Variants in STX12 observed in about 807,000 individuals in gnomAD.
STX12 encodes syntaxin 12.
Under a neutral mutation model 42.2 loss-of-function variants are expected in STX12, and 17 were observed. The ratio of observed to expected loss-of-function variants is 0.40; its 90% CI spans 0.28 to 0.60. The LOEUF (loss-of-function observed/expected upper bound fraction) is 0.60, where lower values mean the gene tolerates loss of function less well. STX12 is among the 20% of genes least tolerant of loss of function. The probability of loss-of-function intolerance (pLI) is 0.39; values close to 1 mark genes in which losing one functional copy is unlikely to be tolerated. For missense variants in STX12, 297 were observed against 330.9 expected (o/e 0.90, Z 0.79); for synonymous variants, 108 against 116.7 (o/e 0.93, Z 0.48).
At chr1:27,804,507 C>G (rs2088847993) in intron 4 of STX12, among the ~76,000 whole-genome samples, 1 of 150,520 alleles carries the variant, frequency 6.6e-6, no homozygotes, top group Admixed American at 6.7e-5. Flanking sequence ...TCTGTTCTCA[C>G]TCTGCTATAA....
chr1:27,784,645 A>G (rs948150188), intron 1 of STX12, among the ~76,000 whole-genome samples: 1 of 152,172 alleles, frequency 6.6e-6, no homozygotes, highest in Non-Finnish European at 1.5e-5. Context: ...TACATGAGTC[A>G]TTGAGTTACT....
chr1:27,808,602 A>G (rs902673093), intron 4 of STX12, among the ~76,000 whole-genome samples: 1 of 152,188 alleles, frequency 6.6e-6, no homozygotes, highest in Non-Finnish European at 1.5e-5. Flanking sequence ...TCGGCCTCTC[A>G]AAGTGCTGGG....
chr1:27,819,650 A>G lies in STX12; in HGVS notation c.650A>G (p.Asp217Gly). Residue 217 changes from aspartate to glycine, a missense_variant and splice_region_variant, in exon 8 of 9, where the codon GAT becomes GGT. Asp to Gly is a moderately conservative substitution (Grantham distance 94, BLOSUM62 -1). Transcript: ENST00000373943. ...ACATCCTCTGTCCTTCCTTTTGCAGATAGCATAGAAGCCAATGTGGAAAGC... is the reference window on the plus strand; with the variant it reads ...ACATCCTCTGTCCTTCCTTTTGCAGGTAGCATAGAAGCCAATGTGGAAAGC... ...MMIHDQGDLI[D>G]SIEANVESSE... The G allele has an allele frequency of 1.9e-6, 3 of 1,613,620 alleles. No homozygotes were observed. Among genetic ancestry groups the G allele is most frequent in the Non-Finnish European group, 2.5e-6 (3 of 1,179,640 alleles).
intron 4 of STX12, among the ~76,000 whole-genome samples, chr1:27,804,912 C>G (rs570471705): frequency 6.6e-6 from 1 of 152,214 alleles, no homozygotes; most frequent in East Asian, 1.9e-4. Context: ...TGTTGACTCA[C>G]ATTTCCACAT....
At chr1:27,805,112 T>A (rs576723109) in intron 4 of STX12, among the ~76,000 whole-genome samples, 1 of 152,080 alleles carries the variant, frequency 6.6e-6, no homozygotes, top group Non-Finnish European at 1.5e-5. Flanking sequence ...GTCCATCTGG[T>A]CTCGCCCTTG....
chr1:27,815,933 T>C (rs1161425137), intron 6 of STX12, among the ~76,000 whole-genome samples: 2 of 152,122 alleles, frequency 1.3e-5, no homozygotes, highest in Non-Finnish European at 2.9e-5. Flanking sequence ...CCCAGCACTT[T>C]GGGAGGCCGA....
chr1:27,804,849 G>C (rs2148604470), intron 4 of STX12, among the ~76,000 whole-genome samples: 1 of 152,128 alleles, frequency 6.6e-6, no homozygotes, highest in South Asian at 2.1e-4. Context: ...CAGAGACTGG[G>C]TAATTTACTT....
chr1:27,814,677 C>T (rs1557807438), intron 6 of STX12, among the ~76,000 whole-genome samples: 1 of 151,858 alleles, frequency 6.6e-6, no homozygotes, highest in Non-Finnish European at 1.5e-5. Context: ...GGTAAAACCC[C>T]GTGTCTACTA....
intron 6 of STX12, among the ~76,000 whole-genome samples, chr1:27,812,808 C>T (rs2088913167): frequency 6.6e-6 from 1 of 152,176 alleles, no homozygotes. Context: ...TCAATCACCA[C>T]ATCTTATACG....
chr1:27,792,867 G>C (rs1319828277), intron 2 of STX12, among the ~76,000 whole-genome samples: 1 of 152,142 alleles, frequency 6.6e-6, no homozygotes, highest in African/African-American at 2.4e-5. Flanking sequence ...ACTACTTTAA[G>C]TTCCACTTAA....
At chr1:27,789,886 A>G (rs1490144706) in intron 2 of STX12, among the ~76,000 whole-genome samples, 2 of 152,206 alleles carry the variant, frequency 1.3e-5, no homozygotes, top group African/African-American at 4.8e-5. Flanking sequence ...TTAGGGAAGT[A>G]GAAAAGGGAA....
chr1:27,816,433 C>T (rs982205917), intron 6 of STX12, among the ~76,000 whole-genome samples: 3 of 151,942 alleles, frequency 2.0e-5, no homozygotes, highest in Admixed American at 6.6e-5. Flanking sequence ...GAGATTGTGC[C>T]ACTGCACTCC....
chr1:27,779,939 GTAC>G (rs1190672320), intron 1 of STX12, among the ~76,000 whole-genome samples: 1 of 151,682 alleles, frequency 6.6e-6, no homozygotes, highest in East Asian at 2.0e-4. Flanking sequence ...TTACAGGCGT[GTAC>G]CACCACGCCC....
chr1:27,810,226 T>TA lies in STX12; in HGVS notation c.427-18dup. 6.2e-7 allele frequency: 1 copy of TA among 1,613,160 alleles called. No homozygotes were observed. The highest frequency in any genetic ancestry group is 1.1e-5 in the South Asian group (1 of 91,042). ...ATGTGTTTCTGGATGACAGCAGCAATAATACCATCTACTTTCTAGGCAGAA... is the reference window on the plus strand; with the variant it reads ...ATGTGTTTCTGGATGACAGCAGCAATAAATACCATCTACTTTCTAGGCAGAA... On this transcript the variant is annotated intron_variant, in intron 4 of 8. Transcript: ENST00000373943.
intron 1 of STX12, among the ~76,000 whole-genome samples, chr1:27,778,024 A>G (rs1479231869): frequency 1.3e-5 from 2 of 152,360 alleles, no homozygotes; most frequent in East Asian, 1.9e-4. Context: ...CCAAGAGGCC[A>G]GCACACCCAA....
chr1:27,786,264 C>G (rs750202723), intron 1 of STX12, among the ~76,000 whole-genome samples: 2 of 151,958 alleles, frequency 1.3e-5, no homozygotes, highest in Non-Finnish European at 2.9e-5. Context: ...CATCAAGTAC[C>G]CTTGCTTTGG....
chr1:27,789,692 G>T, intron 2 of STX12, 61 bp downstream of exon 2: 1 of 1,282,872 alleles, frequency 7.8e-7, no homozygotes, highest in South Asian at 1.2e-5. Flanking sequence ...CAGTGTCCTT[G>T]CCAGACAGCA....
chr1:27,775,672 G>C (rs1415819753), intron 1 of STX12, among the ~76,000 whole-genome samples: 3 of 152,242 alleles, frequency 2.0e-5, no homozygotes, highest in Non-Finnish European at 4.4e-5. Context: ...AAAGTTGAAA[G>C]GGATTGGTGC....
intron 4 of STX12, among the ~76,000 whole-genome samples, chr1:27,807,248 AATT>A (rs1283268886): frequency 6.6e-6 from 1 of 152,050 alleles, no homozygotes; most frequent in Non-Finnish European, 1.5e-5. Flanking sequence ...TATATAATTA[AATT>A]ATTATTGACG....
Sources: allele counts gnomAD v4.1 joint callset (sites outside exome capture counted in the v4.1 genomes callset), GRCh38; gene constraint gnomAD v4.1.1; transcripts MANE v1.5; gene names NCBI Gene and HGNC (gene_info 2026-07-23, HGNC 2026-07-21).